KCNN2: variants seen among roughly 807,000 people sequenced by gnomAD.
KCNN2 encodes the protein small conductance calcium-activated potassium channel protein 2.
Under a neutral mutation model 55.5 loss-of-function variants are expected in KCNN2, and 24 were observed. That is an observed-to-expected ratio of 0.43 (90% CI 0.31 to 0.61). The LOEUF is 0.61. Among genes scored for constraint, KCNN2 ranks in the 20% least tolerant of loss-of-function variants. The probability of loss-of-function intolerance (pLI) is 0.08; values close to 1 mark genes in which losing one functional copy is unlikely to be tolerated. For missense variants in KCNN2, 754 were observed against 853.6 expected (o/e 0.88, Z 1.45); for synonymous variants, 431 against 336.1 (o/e 1.28, Z -3.09).
intron 2 of KCNN2, among the ~76,000 whole-genome samples, chr5:114,340,064 A>G (rs1032865854): frequency 3.7e-4 from 57 of 152,306 alleles, no homozygotes; most frequent in African/African-American, 1.2e-3. Flanking sequence ...AGGACTTTCT[A>G]TCTCTAAAGT....
intron 3 of KCNN2, among the ~76,000 whole-genome samples, chr5:114,405,442 A>T (rs555400525): frequency 8.5e-5 from 13 of 152,190 alleles, no homozygotes; most frequent in Non-Finnish European, 1.6e-4. Flanking sequence ...GGTGGTCTAG[A>T]CCTAGGCATA....
chr5:114,273,041 C>A (rs536079693), intron 2 of KCNN2, among the ~76,000 whole-genome samples: 1 of 152,026 alleles, frequency 6.6e-6, no homozygotes, highest in Non-Finnish European at 1.5e-5. Context: ...CAACACCCCC[C>A]ACAGGCCCTG....
chr5:114,382,892 G>A (rs1228376039), intron 2 of KCNN2, among the ~76,000 whole-genome samples: 1 of 152,186 alleles, frequency 6.6e-6, no homozygotes, highest in African/African-American at 2.4e-5. Context: ...TGGGTTGTTG[G>A]TGTTTAATAT....
chr5:114,326,045 T>G (rs1756708800), intron 2 of KCNN2, among the ~76,000 whole-genome samples: 1 of 152,194 alleles, frequency 6.6e-6, no homozygotes, highest in Admixed American at 6.5e-5. Context: ...AACTTCAGTT[T>G]GGGGTTTTCT....
In KCNN2 at chr5:114,363,207, C is replaced by A. The variant is rs2150046042; in HGVS notation, c.1068C>A (p.Phe356Leu). The A allele has an allele frequency of 6.2e-7, 1 of 1,613,228 alleles. No individual in the cohort carries two copies. Among genetic ancestry groups the A allele is most frequent in the East Asian group, 2.2e-5 (1 of 44,878 alleles). Residue 356 changes from phenylalanine to leucine, a missense_variant, in exon 1 of 8, where the codon TTC (phenylalanine) becomes TTA (leucine). Around this residue, in one of 4 missense-constraint regions of KCNN2, gnomAD observed 123 missense variants for 204.9 expected, o/e 0.60. Transcript: ENST00000673685. The stretch of plus-strand genomic sequence containing the variant: ...ACTACGCGCTCATCTTCGGCATGTT[C>A]GGCATCGTGGTCATGGTCATCGAGA... ...LSDYALIFGMFGIVVMVIETE... is the reference protein window; with the variant it reads ...LSDYALIFGMLGIVVMVIETE...
intron 1 of KCNN2, among the ~76,000 whole-genome samples, chr5:114,070,038 G>A (rs1750535177): frequency 6.6e-6 from 1 of 152,182 alleles, no homozygotes; most frequent in Admixed American, 6.5e-5. Context: ...ATCGCATCCA[G>A]ATACCTTTTA....
chr5:114,123,071 A>G (rs1751856710), intron 1 of KCNN2, among the ~76,000 whole-genome samples: 1 of 152,228 alleles, frequency 6.6e-6, no homozygotes, highest in African/African-American at 2.4e-5. Context: ...TAAGGACGGT[A>G]GAAAATGAAT....
At chr5:114,074,025 C>A (rs1750629880) in intron 1 of KCNN2, among the ~76,000 whole-genome samples, 1 of 152,302 alleles carries the variant, frequency 6.6e-6, no homozygotes, top group East Asian at 1.9e-4. Flanking sequence ...CTAATATCTA[C>A]AACTTTCAGA....
At position 114,104,470 on chromosome 5, in the gene KCNN2, G is replaced by A. The variant is rs563302184; in HGVS notation, c.-271+47970G>A. 2.6e-5 allele frequency among the ~76,000 whole-genome samples: 4 copies of A among 152,008 alleles called. No individual in the cohort carries two copies. In the East Asian group the frequency reaches 7.8e-4, roughly 30 times the overall value. On this transcript the variant is annotated intron_variant, in intron 1 of 10. Transcript: ENST00000512097. ...TTGTCTTCTGCTAGGTTTTGAATTT[G>A]TCTTTGCTTTGTTAGTTCTTTTGGT...
chr5:114,151,992 T>C (rs1241237417), intron 1 of KCNN2, among the ~76,000 whole-genome samples: 2 of 152,192 alleles, frequency 1.3e-5, no homozygotes, highest in African/African-American at 2.4e-5. Flanking sequence ...TATATTATAT[T>C]GTGTTTTTAT....
chr5:114,158,774 G>A (rs1383007591), intron 1 of KCNN2, among the ~76,000 whole-genome samples: 3 of 151,912 alleles, frequency 2.0e-5, no homozygotes, highest in Non-Finnish European at 2.9e-5. Context: ...AATTGTGAAT[G>A]GGAGTTCACT....
At chr5:114,381,522 C>G (rs1439577200) in intron 2 of KCNN2, among the ~76,000 whole-genome samples, 1 of 152,184 alleles carries the variant, frequency 6.6e-6, no homozygotes, top group Non-Finnish European at 1.5e-5. Flanking sequence ...TTAGCTATCT[C>G]ACTGGTATAA....
intron 1 of KCNN2, among the ~76,000 whole-genome samples, chr5:114,087,657 T>G (rs779832941): frequency 2.6e-5 from 4 of 152,192 alleles, no homozygotes; most frequent in Non-Finnish European, 5.9e-5. Context: ...CTTTACTTTC[T>G]AAAATCCATC....
chr5:114,280,951 A>G (rs1755611104), intron 2 of KCNN2, among the ~76,000 whole-genome samples: 1 of 151,964 alleles, frequency 6.6e-6, no homozygotes, highest in East Asian at 1.9e-4. Flanking sequence ...TTTTTCCTTG[A>G]GCACACTAAC....
intron 1 of KCNN2, among the ~76,000 whole-genome samples, chr5:114,061,279 C>T (rs1344829065): frequency 3.3e-5 from 5 of 152,154 alleles, no homozygotes; most frequent in African/African-American, 7.2e-5. Context: ...AACTCCAAGA[C>T]GCTACCTCCC....
intron 2 of KCNN2, among the ~76,000 whole-genome samples, chr5:114,398,870 A>G (rs1283402810): frequency 1.3e-5 from 2 of 152,118 alleles, no homozygotes; most frequent in East Asian, 1.9e-4. Context: ...TAGGAATGCT[A>G]CTGGTTTTTA....
rs1291278667 is a variant in KCNN2, at chr5:114,273,614, G to A, written c.-185+52049G>A. 5.9e-5 allele frequency among the ~76,000 whole-genome samples: 9 copies of A among 152,294 alleles called. No individual in the cohort carries two copies. In the East Asian group the frequency reaches 1.2e-3, roughly 20 times the overall value. Reference sequence around the variant, plus strand: ...TTTCTCTAATGACCAGTGATGATGAGCATTTTTTCATGTCTGTTGGCTGCA... The same window carrying A: ...TTTCTCTAATGACCAGTGATGATGAACATTTTTTCATGTCTGTTGGCTGCA... On this transcript the variant is annotated intron_variant, in intron 2 of 10. Coordinates refer to the KCNN2 transcript ENST00000512097.
At chr5:114,183,333 G>C (rs1224822406) in intron 1 of KCNN2, among the ~76,000 whole-genome samples, 1 of 151,858 alleles carries the variant, frequency 6.6e-6, no homozygotes, top group Non-Finnish European at 1.5e-5. Flanking sequence ...GAATAAATTT[G>C]TCATTTTTTA....
chr5:114,389,179 G>C (rs1758373552), intron 2 of KCNN2, among the ~76,000 whole-genome samples: 1 of 151,934 alleles, frequency 6.6e-6, no homozygotes, highest in Non-Finnish European at 1.5e-5. Context: ...TGTAATAATT[G>C]TTTTCCTTTA....
Sources: gnomAD v4.1 joint callset for allele counts (sites outside exome capture counted in the v4.1 genomes callset) on GRCh38, gnomAD v4.1.1 for gene constraint, gnomAD v4.1.1 regional missense constraint, MANE v1.5 for transcripts, NCBI Gene and HGNC (gene_info 2026-07-23, HGNC 2026-07-21) for gene names.